Variants in HEATR4 observed in about 807,000 individuals in gnomAD.
HEATR4 encodes HEAT repeat containing 4.
HEATR4 carries 95 observed loss-of-function variants against 108.8 expected under a neutral mutation model. That is an observed-to-expected ratio of 0.87 (90% confidence interval 0.74 to 1.04). The LOEUF is 1.04. Among genes scored for constraint, HEATR4 ranks in the 50% least tolerant of loss-of-function variants. The probability of loss-of-function intolerance (pLI) is 0.00; values close to 1 mark genes in which losing one functional copy is unlikely to be tolerated. For synonymous variants in HEATR4, 443 were observed against 459.4 expected, an observed-to-expected ratio of 0.96 and a Z score of 0.46; for missense variants, 1,152 against 1,253.8, an observed-to-expected ratio of 0.92 and a Z score of 1.23.
chr14:73,493,239 CCA>C, intron 16 of HEATR4, 115 bp from the exon 17 acceptor site: 1 of 799,268 alleles, frequency 1.3e-6, no homozygotes, highest in South Asian at 1.6e-5. Flanking sequence ...GTAACACTGA[CCA>C]TGTCGTTCTG....
the HEATR4 span, chr14:73,619,337 A>T: frequency 6.2e-7 from 1 of 1,614,160 alleles, no homozygotes; most frequent in South Asian, 1.1e-5. Context: ...GTACTTATCA[A>T]TGCCTGTGTA....
intron 5 of HEATR4, among the ~76,000 whole-genome samples, chr14:73,517,673 AAAAAAAAAG>A (rs1370258897): frequency 6.7e-6 from 1 of 149,904 alleles, no homozygotes; most frequent in African/African-American, 2.5e-5. Flanking sequence ...GTCAAAAAAA[AAAAAAAAAG>A]AAGAAGAAAA....
chr14:73,578,484 G>A, the HEATR4 span, among the ~76,000 whole-genome samples: 25 of 152,082 alleles, frequency 1.6e-4, 1 homozygote, highest in South Asian at 5.2e-3. Flanking sequence ...CCATCTTGGC[G>A]TACCACACTG....
chr14:73,560,660 T>TG (rs1332445196), upstream of HEATR4, among the ~76,000 whole-genome samples: 2 of 93,334 alleles, frequency 2.1e-5, no homozygotes, highest in South Asian at 7.9e-4. Flanking sequence ...AGACTCCATC[T>TG]CAAAAAAAAA....
At chr14:73,578,231 C>CTTTT in the HEATR4 span, among the ~76,000 whole-genome samples, 18 of 139,352 alleles carry the variant, frequency 1.3e-4, no homozygotes, top group East Asian at 4.2e-4. Flanking sequence ...GACATTTCAT[C>CTTTT]TTTTTTTTTT....
chr14:73,489,138 C>G (rs1034717896), intron 17 of HEATR4, among the ~76,000 whole-genome samples: 1 of 152,174 alleles, frequency 6.6e-6, no homozygotes, highest in Non-Finnish European at 1.5e-5. Flanking sequence ...TTGCATCAGA[C>G]AATTATTTGT....
chr14:73,606,394 A>AC, the HEATR4 span, among the ~76,000 whole-genome samples: 1 of 152,086 alleles, frequency 6.6e-6, no homozygotes, highest in Non-Finnish European at 1.5e-5. Flanking sequence ...CAAAAAAAAA[A>AC]AAAACTGTGA....
chr14:73,582,607 ATAG>A, the HEATR4 span: 8 of 151,952 alleles, frequency 5.3e-5, no homozygotes, highest in Non-Finnish European at 7.4e-5. Context: ...GCTCATTATA[ATAG>A]TAGAAGACAG....
intron 9 of HEATR4, among the ~76,000 whole-genome samples, chr14:73,506,802 C>CTTTTTTTTTTTTTTTTTTTTTTTTTTTT (rs1470976246): frequency 1.7e-5 from 1 of 58,054 alleles, no homozygotes; most frequent in African/African-American, 1.0e-4. Context: ...CTGACTTTAA[C>CTTTTTTTTTTTTTTTTTTTTTTTTTTTT]TGTTTTTTTT....
At chr14:73,491,958 T>C (rs764254877) in intron 17 of HEATR4, 3 of 1,613,946 alleles carry the variant, frequency 1.9e-6, no homozygotes, top group Non-Finnish European at 2.5e-6. Flanking sequence ...TTTTTGGCTG[T>C]GCTTCAAGAG....
intron 17 of HEATR4, chr14:73,490,994 G>C: frequency 1.5e-6 from 2 of 1,351,828 alleles, no homozygotes; most frequent in East Asian, 2.9e-5. Context: ...CCGGCCGGGC[G>C]GGGAAGACTG....
At chr14:73,590,539 C>G in the HEATR4 span, among the ~76,000 whole-genome samples, 3 of 152,228 alleles carry the variant, frequency 2.0e-5, no homozygotes, top group Non-Finnish European at 4.4e-5. Context: ...GAGCGGAGCT[C>G]GTTGAGGAGG....
chr14:73,590,612 G>A, the HEATR4 span, among the ~76,000 whole-genome samples: 3 of 152,174 alleles, frequency 2.0e-5, no homozygotes, highest in Non-Finnish European at 2.9e-5. Context: ...TGCAGGTCCC[G>A]AGCCCTGCGC....
At chr14:73,570,803 G>A in the HEATR4 span, among the ~76,000 whole-genome samples, 2 of 150,622 alleles carry the variant, frequency 1.3e-5, no homozygotes, top group Admixed American at 6.6e-5. Flanking sequence ...TACTTAGGAG[G>A]TTGAGGCAGG....
intron 17 of HEATR4, among the ~76,000 whole-genome samples, chr14:73,481,593 G>A (rs1294476481): frequency 2.6e-5 from 4 of 151,834 alleles, no homozygotes; most frequent in African/African-American, 9.7e-5. Context: ...GTAATCCCAA[G>A]CACTTTGGGA....
intron 2 of HEATR4, among the ~76,000 whole-genome samples, chr14:73,524,239 G>A (rs1457141748): frequency 7.2e-6 from 1 of 138,776 alleles, no homozygotes; most frequent in East Asian, 2.1e-4. Context: ...ATTGCAGTGA[G>A]CCAAGATCAT....
chr14:73,579,749 G>A, the HEATR4 span, among the ~76,000 whole-genome samples: 10 of 151,844 alleles, frequency 6.6e-5, no homozygotes, highest in East Asian at 5.8e-4. Context: ...GAACCACTAC[G>A]TAAACAATAC....
the HEATR4 span, among the ~76,000 whole-genome samples, chr14:73,630,999 C>G: frequency 6.6e-6 from 1 of 152,162 alleles, no homozygotes; most frequent in African/African-American, 2.4e-5. Context: ...CAGGTACTTA[C>G]TTTTCAAAGA....
chr14:73,598,806 C>T, the HEATR4 span, among the ~76,000 whole-genome samples: 2 of 151,988 alleles, frequency 1.3e-5, no homozygotes, highest in Non-Finnish European at 2.9e-5. Context: ...AGTTCGAGAC[C>T]AGCCTAACCA....
Sources: gnomAD v4.1 joint callset for allele counts (sites outside exome capture counted in the v4.1 genomes callset) on GRCh38, gnomAD v4.1.1 for gene constraint, MANE v1.5 for transcripts, NCBI Gene and HGNC (gene_info 2026-07-23, HGNC 2026-07-21) for gene names.